CLNS1A: variants seen among roughly 807,000 people sequenced by gnomAD.
CLNS1A encodes chloride nucleotide-sensitive channel 1A.
A neutral mutation model predicts 29.4 loss-of-function variants in CLNS1A; 16 were observed. The ratio of observed to expected loss-of-function variants is 0.54; its 90% CI spans 0.37 to 0.83. CLNS1A has a LOEUF of 0.83. Ranked by LOEUF, CLNS1A falls within the 40% of genes least tolerant of loss-of-function variation. CLNS1A has a pLI of 0.00. For synonymous variants in CLNS1A, 96 were observed against 104.8 expected (o/e 0.92, Z 0.51); for missense variants, 235 against 287.4 (o/e 0.82, Z 1.32).
At chr11:77,631,604 AC>A (rs934014700) in intron 1 of CLNS1A, among the ~76,000 whole-genome samples, 1 of 152,006 alleles carries the variant, frequency 6.6e-6, no homozygotes, top group Non-Finnish European at 1.5e-5. Context: ...GGCATGAGCC[AC>A]CACACCCTGC....
At chr11:77,635,802 C>G (rs11237253) in intron 1 of CLNS1A, among the ~76,000 whole-genome samples, 1,799 of 152,316 alleles carry the variant, frequency 0.012, 16 homozygotes, top group South Asian at 0.024. Flanking sequence ...CCATCTTCCA[C>G]CACTTCAAAG....
At chr11:77,630,376 A>G (rs748040989) in intron 1 of CLNS1A, among the ~76,000 whole-genome samples, 1 of 152,246 alleles carries the variant, frequency 6.6e-6, no homozygotes, top group Non-Finnish European at 1.5e-5. Flanking sequence ...AACTTGTCAC[A>G]TTCCTTTATT....
rs148002553 is a variant in CLNS1A at position 77,622,639 on chromosome 11, G to A, written c.507C>T (p.Thr169=). The change falls in exon 5 of 7, where the codon ACC becomes ACT. Residue 169 remains threonine (T), a synonymous_variant. Coordinates refer to ENST00000525428, the MANE Select transcript of CLNS1A (RefSeq NM_001293.3). ...TTAGATGGGATAATCCTTCTTCATA[G>A]GTGTAAAATGTAGGGATGTCCCCCT... ...QGQGDIPTFY[T]YEEGLSHLTA... The A allele has an allele frequency of 7.5e-4, 1,210 of 1,610,758 alleles. 13 individuals carry two copies. In the African/African-American group the frequency reaches 0.014, roughly 18 times the overall value.
chr11:77,632,467 G>T (rs1008445986), intron 1 of CLNS1A, among the ~76,000 whole-genome samples: 1 of 152,114 alleles, frequency 6.6e-6, no homozygotes, highest in African/African-American at 2.4e-5. Context: ...TAATACCTCT[G>T]TAATTCCTTA....
At chr11:77,632,813 G>A (rs1959087995) in intron 1 of CLNS1A, among the ~76,000 whole-genome samples, 1 of 152,018 alleles carries the variant, frequency 6.6e-6, no homozygotes, top group Non-Finnish European at 1.5e-5. Flanking sequence ...AGCCGAGCGT[G>A]GTGGCTCAGG....
intron 6 of CLNS1A, among the ~76,000 whole-genome samples, chr11:77,618,237 A>G (rs1388225238): frequency 6.6e-6 from 1 of 152,224 alleles, no homozygotes; most frequent in Non-Finnish European, 1.5e-5. Context: ...TTGCAATAAA[A>G]CAGTTACTAA....
At chr11:77,623,540 G>A (rs980685250) in intron 4 of CLNS1A, among the ~76,000 whole-genome samples, 2 of 151,444 alleles carry the variant, frequency 1.3e-5, no homozygotes, top group Non-Finnish European at 2.9e-5. Flanking sequence ...GCAGTGGGTG[G>A]AGAATGGTAC....
chr11:77,637,116 C>T (rs1241894610), intron 1 of CLNS1A, among the ~76,000 whole-genome samples: 7 of 151,558 alleles, frequency 4.6e-5, no homozygotes, highest in African/African-American at 1.2e-4. Flanking sequence ...TCTGAAACTA[C>T]GTATCCCAGA....
intron 2 of CLNS1A, among the ~76,000 whole-genome samples, chr11:77,626,189 C>T (rs750633728): frequency 4.9e-4 from 74 of 152,196 alleles, no homozygotes; most frequent in Non-Finnish European, 6.3e-4. Context: ...CAGGCCCAAG[C>T]GATCCTCCCA....
intron 4 of CLNS1A, among the ~76,000 whole-genome samples, chr11:77,624,099 T>A (rs1251166489): frequency 6.6e-6 from 1 of 151,996 alleles, no homozygotes; most frequent in African/African-American, 2.4e-5. Flanking sequence ...CCAGTCTTTA[T>A]AAAAAATACA....
In CLNS1A at chr11:77,629,844, T is replaced by C. The variant is rs1959057303; in HGVS notation, c.181A>G (p.Ile61Val). ...TCCCTGGATAATGCATGTAAACTAATGGTGGGGTATTCCAGTGAGAATCCT... is the reference window on the plus strand; with the variant it reads ...TCCCTGGATAATGCATGTAAACTAACGGTGGGGTATTCCAGTGAGAATCCT... ...GLGFSLEYPT[I>V]SLHALSRDRS... The change falls in exon 2 of 7, where the codon ATT (isoleucine) becomes GTT (valine). Residue 61 changes from isoleucine (I) to valine (V), a missense_variant. Transcript: ENST00000525428. 1 of 1,613,768 alleles carries C rather than the reference T, an allele frequency of 6.2e-7. No individual in the cohort carries two copies. Among genetic ancestry groups the C allele is most frequent in the Non-Finnish European group, 8.5e-7 (1 of 1,179,794 alleles).
intron 1 of CLNS1A, among the ~76,000 whole-genome samples, chr11:77,630,178 CTCT>C (rs1959060564): frequency 6.6e-6 from 1 of 152,150 alleles, no homozygotes; most frequent in Non-Finnish European, 1.5e-5. Flanking sequence ...TTCATGCTTA[CTCT>C]TTTTTGGTAT....
intron 1 of CLNS1A, among the ~76,000 whole-genome samples, chr11:77,633,374 T>G (rs1048614066): frequency 6.6e-6 from 1 of 152,218 alleles, no homozygotes; most frequent in African/African-American, 2.4e-5. Flanking sequence ...TCTAAAAATA[T>G]AACTGTTTTG....
intron 5 of CLNS1A, 142 bp downstream of exon 5, chr11:77,622,358 T>C (rs1219222169): frequency 1.6e-6 from 1 of 644,222 alleles, no homozygotes; most frequent in Non-Finnish European, 2.6e-6. Flanking sequence ...TAAGCATTCC[T>C]ATACTATGTA....
At position 77,630,604 on chromosome 11, in the gene CLNS1A, G is replaced by C. The variant is rs1026758486; in HGVS notation, c.126-705C>G. 2.9e-4 allele frequency among the ~76,000 whole-genome samples: 44 copies of C among 152,142 alleles called. 1 individual carries two copies. The highest frequency in any genetic ancestry group is 2.9e-3 in the Admixed American group (44 of 15,276). ...GTCTTTAAGAGAAAGCCACAGAAAA[G>C]CTAGATCTAGTTTTCCCTCAAATGT... On this transcript the variant is annotated intron_variant, in intron 1 of 6. Coordinates refer to ENST00000525428, the MANE Select transcript of CLNS1A (RefSeq NM_001293.3).
chr11:77,624,878 T>C, intron 4 of CLNS1A, 85 bp downstream of exon 4: 2 of 807,418 alleles, frequency 2.5e-6, no homozygotes, highest in Non-Finnish European at 4.1e-6. Flanking sequence ...TAAAGAACTA[T>C]AATCCTCTAC....
intron 5 of CLNS1A, among the ~76,000 whole-genome samples, chr11:77,621,308 C>T (rs1958955937): frequency 1.3e-5 from 2 of 151,902 alleles, no homozygotes; most frequent in African/African-American, 2.4e-5. Context: ...CACACACACA[C>T]ACACACACAC....
intron 6 of CLNS1A, chr11:77,619,367 C>T (rs999845802): frequency 1.4e-5 from 6 of 418,976 alleles, no homozygotes; most frequent in African/African-American, 1.0e-4. Flanking sequence ...CTTGTCTCTA[C>T]GTAAAATTTT....
In CLNS1A at chr11:77,637,782, C is replaced by G. The variant is rs1354113481; in HGVS notation, c.-68G>C. On this transcript the variant is annotated 5_prime_UTR_variant, in exon 1 of 7. Transcript: ENST00000525428. The stretch of plus-strand genomic sequence containing the variant: ...ACAGCAATGCGTGCACCACACCGCC[C>G]GCCCTGGAAGAGGCAGTCACCCCGG... The G allele has an allele frequency of 6.8e-7, 1 of 1,477,608 alleles. No homozygotes were observed. The highest frequency in any genetic ancestry group is 1.4e-5 in the African/African-American group (1 of 71,146). 91.5% of individuals were successfully genotyped at this position (1,477,608 alleles called of 1,614,324 possible). A position where few individuals can be genotyped will look rare whatever the true frequency, so the allele number is the denominator to read the frequency against.
Sources: allele counts gnomAD v4.1 joint callset (sites outside exome capture counted in the v4.1 genomes callset), GRCh38; gene constraint gnomAD v4.1.1; transcripts MANE v1.5; gene names NCBI Gene and HGNC (gene_info 2026-07-23, HGNC 2026-07-21).